The following SYNPO2 variants were observed in gnomAD, a reference collection of about 807,000 sequenced individuals.
SYNPO2 encodes synaptopodin 2.
In SYNPO2, 56 loss-of-function variants were observed where a neutral mutation model predicts 85.0. The observed-to-expected ratio is 0.66, with a 90% confidence interval of 0.53 to 0.82. The LOEUF (loss-of-function observed/expected upper bound fraction) is 0.82, where lower values mean the gene tolerates loss of function less well. Ranked by LOEUF, SYNPO2 falls within the 40% of genes least tolerant of loss-of-function variation. SYNPO2 has a pLI of 0.00. For synonymous variants in SYNPO2, 602 were observed against 591.1 expected, an observed-to-expected ratio of 1.02 and a Z score of -0.27; for missense variants, 1,575 against 1,534.2, an observed-to-expected ratio of 1.03 and a Z score of -0.44.
At chr4:118,871,849 G>A (rs1455671207) in intron 1 of SYNPO2, among the ~76,000 whole-genome samples, 1 of 152,208 alleles carries the variant, frequency 6.6e-6, no homozygotes. Context: ...GATTACAGGC[G>A]TGAGCCACCG....
chr4:119,011,520 C>A (rs1737301701), intron 1 of SYNPO2, among the ~76,000 whole-genome samples: 2 of 152,032 alleles, frequency 1.3e-5, no homozygotes, highest in Admixed American at 6.6e-5. Flanking sequence ...TCAATGGGAG[C>A]AAATCTTTTC....
chr4:118,957,664 A>C (rs1734927274), intron 1 of SYNPO2, among the ~76,000 whole-genome samples: 1 of 152,216 alleles, frequency 6.6e-6, no homozygotes, highest in Non-Finnish European at 1.5e-5. Flanking sequence ...AAATAGTGTC[A>C]CAAGGTCTCC....
intron 1 of SYNPO2, among the ~76,000 whole-genome samples, chr4:118,879,243 G>C (rs1292344609): frequency 6.6e-6 from 1 of 152,200 alleles, no homozygotes; most frequent in Non-Finnish European, 1.5e-5. Flanking sequence ...TGAAGTCAGG[G>C]AGACCATGAA....
chr4:118,983,261 T>C (rs1403481297), intron 1 of SYNPO2, among the ~76,000 whole-genome samples: 1 of 152,142 alleles, frequency 6.6e-6, no homozygotes, highest in African/African-American at 2.4e-5. Flanking sequence ...TTTTCAACCT[T>C]TTCCTCTGTA....
intron 4 of SYNPO2, among the ~76,000 whole-genome samples, chr4:119,050,976 C>A (rs1370124036): frequency 6.6e-6 from 1 of 152,088 alleles, no homozygotes; most frequent in Non-Finnish European, 1.5e-5. Flanking sequence ...GCCCAACAAA[C>A]TGGAGGGAGA....
intron 1 of SYNPO2, among the ~76,000 whole-genome samples, chr4:118,942,066 G>C (rs899873375): frequency 1.3e-5 from 2 of 152,254 alleles, no homozygotes; most frequent in Middle Eastern, 6.8e-3. Flanking sequence ...ACTCACTAAT[G>C]CTTGGTTTAC....
At chr4:118,895,372 T>C (rs761859400) in intron 1 of SYNPO2, among the ~76,000 whole-genome samples, 24 of 152,210 alleles carry the variant, frequency 1.6e-4, no homozygotes, top group Admixed American at 3.9e-4. Context: ...GATATATTTA[T>C]TCATAACTGA....
chr4:118,856,726 G>C (rs985976951), intron 1 of SYNPO2, among the ~76,000 whole-genome samples: 4 of 152,104 alleles, frequency 2.6e-5, no homozygotes, highest in Non-Finnish European at 5.9e-5. Context: ...TGCCCAGGCT[G>C]GTCCCGAACT....
chr4:119,007,250 ATACATATATATATATATATATATATG>A lies in SYNPO2; in HGVS notation c.106-16177_106-16152del, dbSNP rs1250999937. On this transcript the variant is annotated intron_variant, in intron 1 of 4. Coordinates refer to ENST00000307142, the MANE Select transcript of SYNPO2 (RefSeq NM_133477.3). The stretch of plus-strand genomic sequence containing the variant: ...TATATATATATATATATATATGTAT[ATACATATATATATATATATATATATG>A]TATATACATATATATATATATGTAT... Among the ~76,000 whole-genome samples, 240 of 25,990 alleles carry A rather than the reference ATACATATATATATATATATATATATG, an allele frequency of 9.2e-3. 5 individuals carry two copies. Among genetic ancestry groups the A allele is most frequent in the East Asian group, 0.025 (20 of 812 alleles). The allele number at this position is 25,990 out of a possible 152,430, so 17.1% of individuals were successfully genotyped here. A position where few individuals can be genotyped will look rare whatever the true frequency, so the allele number is the denominator to read the frequency against.
At chr4:119,028,115 G>A (rs1295980820) in intron 3 of SYNPO2, among the ~76,000 whole-genome samples, 1 of 152,036 alleles carries the variant, frequency 6.6e-6, no homozygotes, top group Non-Finnish European at 1.5e-5. Context: ...TGCTTTGTAT[G>A]GCATTTTGTT....
chr4:118,921,392 C>T (rs533019499), intron 1 of SYNPO2, among the ~76,000 whole-genome samples: 1 of 152,250 alleles, frequency 6.6e-6, no homozygotes, highest in South Asian at 2.1e-4. Context: ...AACCCATCTT[C>T]GACACAACAG....
chr4:118,982,277 G>C (rs775878395), intron 1 of SYNPO2, among the ~76,000 whole-genome samples: 62 of 152,128 alleles, frequency 4.1e-4, no homozygotes, highest in Middle Eastern at 3.2e-3. Context: ...ATAATGTCCA[G>C]TGCAGTGTAG....
intron 1 of SYNPO2, among the ~76,000 whole-genome samples, chr4:118,883,041 A>T (rs368124549): frequency 6.7e-6 from 1 of 149,792 alleles, no homozygotes. Flanking sequence ...GATCACAGGC[A>T]TGAGCCACCG....
At chr4:118,889,343 A>G (rs1732288931) in intron 1 of SYNPO2, among the ~76,000 whole-genome samples, 3 of 152,060 alleles carry the variant, frequency 2.0e-5, no homozygotes, top group Admixed American at 6.6e-5. Context: ...TTAACTTGCA[A>G]TCGATGAGGG....
intron 1 of SYNPO2, among the ~76,000 whole-genome samples, chr4:118,975,194 G>A (rs1313987300): frequency 2.6e-5 from 4 of 152,082 alleles, no homozygotes; most frequent in Non-Finnish European, 5.9e-5. Context: ...GCCACATATC[G>A]CTCAGTCATT....
At chr4:118,859,741 G>C (rs1298186183) in intron 1 of SYNPO2, among the ~76,000 whole-genome samples, 2 of 152,164 alleles carry the variant, frequency 1.3e-5, no homozygotes, top group African/African-American at 4.8e-5. Context: ...CAAATGACTG[G>C]ATTTCATTCT....
At chr4:119,032,929 T>TTACCC in intron 4 of SYNPO2, 1 of 905,320 alleles carries the variant, frequency 1.1e-6, no homozygotes, top group Non-Finnish European at 1.3e-6. Flanking sequence ...AAAGGTTGAT[T>TTACCC]CCCACCCTCC....
chr4:119,056,143 A>G (rs1371696874), intron 4 of SYNPO2, among the ~76,000 whole-genome samples: 7 of 152,354 alleles, frequency 4.6e-5, no homozygotes, highest in East Asian at 1.9e-4. Context: ...CTTATCTCAC[A>G]CAGCCTCATG....
chr4:118,890,088 T>C (rs1421663944), intron 1 of SYNPO2, among the ~76,000 whole-genome samples: 3 of 152,140 alleles, frequency 2.0e-5, no homozygotes, highest in Admixed American at 6.5e-5. Flanking sequence ...CATGGGCCAT[T>C]GCCTTTGTAG....
Sources: gnomAD v4.1 joint callset for allele counts (sites outside exome capture counted in the v4.1 genomes callset) on GRCh38, gnomAD v4.1.1 for gene constraint, MANE v1.5 for transcripts, NCBI Gene and HGNC (gene_info 2026-07-23, HGNC 2026-07-21) for gene names.